Variants in STXBP4 observed in about 807,000 individuals in gnomAD.
The protein encoded by STXBP4 is syntaxin binding protein 4.
A neutral mutation model predicts 76.1 loss-of-function variants in STXBP4; 55 were observed. The observed-to-expected ratio is 0.72, with a 90% CI of 0.58 to 0.91. The LOEUF is 0.91. STXBP4 is among the 40% of genes least tolerant of loss of function. The pLI is 0.00. For synonymous variants in STXBP4, 201 were observed against 220.2 expected, an observed-to-expected ratio of 0.91 and a Z score of 0.77; for missense variants, 618 against 636.9, an observed-to-expected ratio of 0.97 and a Z score of 0.32.
At chr17:55,092,206 G>A (rs1187418140) in intron 16 of STXBP4, among the ~76,000 whole-genome samples, 1 of 152,168 alleles carries the variant, frequency 6.6e-6, no homozygotes, top group East Asian at 1.9e-4. Context: ...ATTGGGTGCA[G>A]TGTACACTGC....
intron 8 of STXBP4, among the ~76,000 whole-genome samples, chr17:55,026,890 C>T (rs1312881444): frequency 6.6e-6 from 1 of 152,132 alleles, no homozygotes; most frequent in Non-Finnish European, 1.5e-5. Flanking sequence ...GGAGCTTGGG[C>T]ACCCTGGCTT....
At chr17:55,078,803 C>A in intron 15 of STXBP4, 68 bp downstream of exon 15, 1 of 886,520 alleles carries the variant, frequency 1.1e-6, no homozygotes, top group Non-Finnish European at 1.9e-6. Flanking sequence ...GTCATTGTGA[C>A]TCAAATACTA....
intron 9 of STXBP4, 111 bp from the exon 10 acceptor site, chr17:55,034,057 T>G: frequency 1.4e-6 from 1 of 697,788 alleles, no homozygotes; most frequent in Non-Finnish European, 2.4e-6. Flanking sequence ...AATACTATTT[T>G]AAGATAATTT....
intron 12 of STXBP4, among the ~76,000 whole-genome samples, chr17:55,051,668 G>A (rs1567738619): frequency 6.6e-6 from 1 of 152,104 alleles, no homozygotes; most frequent in African/African-American, 2.4e-5. Context: ...TGAAGTGGGA[G>A]GATGGCTTGA....
At chr17:55,015,431 T>C (rs1177083534) in intron 8 of STXBP4, among the ~76,000 whole-genome samples, 1 of 152,226 alleles carries the variant, frequency 6.6e-6, no homozygotes, top group African/African-American at 2.4e-5. Flanking sequence ...GCTGCAGTTA[T>C]GGCAGCACTT....
At chr17:55,065,752 G>A (rs567046581) in intron 12 of STXBP4, among the ~76,000 whole-genome samples, 1 of 152,136 alleles carries the variant, frequency 6.6e-6, no homozygotes, top group Non-Finnish European at 1.5e-5. Context: ...TTATCAATTA[G>A]ATGTATTTTT....
chr17:55,071,575 C>T (rs2052209411), intron 12 of STXBP4, among the ~76,000 whole-genome samples: 1 of 152,186 alleles, frequency 6.6e-6, no homozygotes, highest in Non-Finnish European at 1.5e-5. Flanking sequence ...GATTTACTGT[C>T]TATCTCCCCA....
At chr17:55,071,876 T>C (rs2079123894) in intron 12 of STXBP4, among the ~76,000 whole-genome samples, 1 of 152,156 alleles carries the variant, frequency 6.6e-6, no homozygotes, top group African/African-American at 2.4e-5. Context: ...GAAAGTTCTA[T>C]CGCAGAGAAA....
chr17:55,177,358 G>C (rs896003859), downstream of STXBP4, among the ~76,000 whole-genome samples: 3 of 152,120 alleles, frequency 2.0e-5, no homozygotes, highest in South Asian at 6.2e-4. Flanking sequence ...GCCCTCACCT[G>C]TTCAACAGCA....
At chr17:55,199,537 C>T in the STXBP4 span, among the ~76,000 whole-genome samples, 2 of 152,220 alleles carry the variant, frequency 1.3e-5, no homozygotes, top group African/African-American at 4.8e-5. Context: ...GAGTGACCTT[C>T]TGCTAATAAA....
At chr17:55,106,726 G>A (rs2079639528) in intron 16 of STXBP4, among the ~76,000 whole-genome samples, 1 of 151,974 alleles carries the variant, frequency 6.6e-6, no homozygotes, top group Non-Finnish European at 1.5e-5. Context: ...ATGATGCTTA[G>A]TTTGGCTGGA....
At chr17:55,208,920 GA>G in the STXBP4 span, among the ~76,000 whole-genome samples, 10,562 of 140,482 alleles carry the variant, frequency 0.075, 505 homozygotes, top group East Asian at 0.25. Context: ...TGTCTCTACA[GA>G]AAAAAAAAAA....
At chr17:55,078,237 T>A in intron 14 of STXBP4, 43 bp downstream of exon 14, 2 of 1,254,472 alleles carry the variant, frequency 1.6e-6, no homozygotes, top group Non-Finnish European at 2.3e-6. Context: ...AAAAAATATA[T>A]AGGCAACTGG....
chr17:55,105,385 G>A (rs171515), intron 16 of STXBP4, among the ~76,000 whole-genome samples: 23,401 of 151,772 alleles, frequency 0.15, 2,290 homozygotes, highest in Admixed American at 0.31. Flanking sequence ...TATTTACCCA[G>A]TAGTCATCCA....
In STXBP4 at chr17:54,997,751, ATT is replaced by A. The variant is rs11291147; in HGVS notation, c.181-1577_181-1576del. On this transcript the variant is annotated intron_variant, in intron 4 of 17. Transcript: ENST00000376352. Reference sequence around the variant, plus strand: ...CTGAGACTACAGACATGTGCCAGCTATTTTTTTTTTTTTTTTTTGAAAGATGG... The same window carrying A: ...CTGAGACTACAGACATGTGCCAGCTATTTTTTTTTTTTTTTTGAAAGATGG... Among the ~76,000 whole-genome samples the A allele has an allele frequency of 7.2e-3, 864 of 120,652 alleles. 7 individuals carry two copies. The highest frequency in any genetic ancestry group is 0.021 in the African/African-American group (626 of 30,262). 79.2% of individuals were successfully genotyped at this position (120,652 alleles called of 152,430 possible).
intron 16 of STXBP4, among the ~76,000 whole-genome samples, chr17:55,131,343 G>A (rs1159372859): frequency 2.6e-5 from 4 of 152,138 alleles, no homozygotes; most frequent in African/African-American, 9.7e-5. Flanking sequence ...CTGGTATGGG[G>A]TACTCTTAGA....
chr17:55,122,743 T>C (rs1200753492), intron 16 of STXBP4, among the ~76,000 whole-genome samples: 22 of 152,192 alleles, frequency 1.4e-4, no homozygotes, highest in Admixed American at 1.4e-3. Flanking sequence ...GAGATATGTG[T>C]CTATGTGTGC....
chr17:55,101,718 A>G (rs2079568624), intron 16 of STXBP4, among the ~76,000 whole-genome samples: 1 of 152,256 alleles, frequency 6.6e-6, no homozygotes, highest in Non-Finnish European at 1.5e-5. Flanking sequence ...TGAATGAACC[A>G]TGAGAATACA....
intron 17 of STXBP4, among the ~76,000 whole-genome samples, chr17:55,154,271 AC>A (rs1163867407): frequency 6.6e-6 from 1 of 152,186 alleles, no homozygotes; most frequent in Admixed American, 6.6e-5. Flanking sequence ...CAATTCTGTT[AC>A]CTTCTATTGA....
Sources: allele counts gnomAD v4.1 joint callset (sites outside exome capture counted in the v4.1 genomes callset), GRCh38; gene constraint gnomAD v4.1.1; transcripts MANE v1.5; gene names NCBI Gene and HGNC (gene_info 2026-07-23, HGNC 2026-07-21).